Variants in TMCC1 observed in about 807,000 individuals in gnomAD.
TMCC1 encodes the protein transmembrane and coiled-coil domain family 1.
Under a neutral mutation model 52.4 loss-of-function variants are expected in TMCC1, and 15 were observed. The ratio of observed to expected loss-of-function variants is 0.29; its 90% CI spans 0.19 to 0.44. The LOEUF is 0.44. Ranked by LOEUF, TMCC1 falls within the 20% of genes least tolerant of loss-of-function variation. TMCC1 has a pLI of 1.00. For synonymous variants in TMCC1, 279 were observed against 301.9 expected (o/e 0.92, Z 0.79); for missense variants, 503 against 806.0 (o/e 0.62, Z 4.55).
intron 6 of TMCC1, among the ~76,000 whole-genome samples, chr3:129,652,829 C>T (rs1371452070): frequency 6.6e-6 from 1 of 152,196 alleles, no homozygotes; most frequent in Non-Finnish European, 1.5e-5. Context: ...TGGGCCAAAC[C>T]AATGTATACT....
At chr3:129,876,849 C>T (rs562841326) in intron 2 of TMCC1, among the ~76,000 whole-genome samples, 6 of 151,158 alleles carry the variant, frequency 4.0e-5, no homozygotes, top group South Asian at 2.1e-4. Context: ...CCCAGCTACT[C>T]GGGAGGCTGA....
intron 4 of TMCC1, among the ~76,000 whole-genome samples, chr3:129,706,367 T>C (rs1455554027): frequency 6.9e-6 from 1 of 145,108 alleles, no homozygotes; most frequent in Non-Finnish European, 1.5e-5. Context: ...CACCATGCCC[T>C]GCTAATTTTT....
chr3:129,689,210 TA>T (rs1324691044), intron 4 of TMCC1, among the ~76,000 whole-genome samples: 1 of 152,166 alleles, frequency 6.6e-6, no homozygotes, highest in Non-Finnish European at 1.5e-5. Context: ...AGCAAGAGAT[TA>T]AAACATCACA....
chr3:129,719,160 C>G (rs562502565), intron 4 of TMCC1, among the ~76,000 whole-genome samples: 2 of 152,290 alleles, frequency 1.3e-5, no homozygotes, highest in South Asian at 4.1e-4. Context: ...GCCCCACCCC[C>G]CAACCTCTGG....
At chr3:129,776,311 C>T (rs1244555315) in intron 4 of TMCC1, among the ~76,000 whole-genome samples, 1 of 152,122 alleles carries the variant, frequency 6.6e-6, no homozygotes, top group Non-Finnish European at 1.5e-5. Flanking sequence ...AGTTGGTTTT[C>T]AATAAATGTT....
At chr3:129,770,563 G>A (rs1041565190) in intron 4 of TMCC1, among the ~76,000 whole-genome samples, 4 of 151,340 alleles carry the variant, frequency 2.6e-5, no homozygotes, top group Admixed American at 2.6e-4. Context: ...GGGTGACAGA[G>A]CAAGACCCTG....
intron 4 of TMCC1, among the ~76,000 whole-genome samples, chr3:129,773,599 T>C (rs927227434): frequency 6.6e-6 from 1 of 152,226 alleles, no homozygotes; most frequent in Non-Finnish European, 1.5e-5. Flanking sequence ...CCCAACAATA[T>C]CAAGTTCATA....
rs980384549 is a variant in TMCC1, at chr3:129,647,935, C to G, written c.*3546G>C. On this transcript the variant is annotated 3_prime_UTR_variant, in exon 7 of 7. Transcript: ENST00000393238. ...ATCAACTACAGTGTTAACGTTCACA[C>G]GTTCACAAGTGTCATTTCTTTACGT... 2.0e-5 allele frequency: 3 copies of G among 152,660 alleles called. No individual in the cohort carries two copies. The highest frequency in any genetic ancestry group is 4.8e-5 in the African/African-American group (2 of 41,460). 9.5% of individuals were successfully genotyped at this position (152,660 alleles called of 1,614,324 possible).
chr3:129,880,025 T>C (rs1478611286), intron 2 of TMCC1, among the ~76,000 whole-genome samples: 1 of 152,088 alleles, frequency 6.6e-6, no homozygotes, highest in Admixed American at 6.6e-5. Context: ...AAAATAAAGA[T>C]TTAATTTAAA....
chr3:129,762,994 C>T (rs1170674677), intron 4 of TMCC1, among the ~76,000 whole-genome samples: 1 of 151,110 alleles, frequency 6.6e-6, no homozygotes, highest in Non-Finnish European at 1.5e-5. Context: ...GTCAGGAGAT[C>T]GAGACCACCC....
rs116336319 is a variant in TMCC1, at chr3:129,801,720, C to T, written c.576+26083G>A. On this transcript the variant is annotated intron_variant, in intron 4 of 6. Transcript: ENST00000393238. Reference sequence around the variant, plus strand: ...AAGTTGCTGGGATTTCAGGCGTGAACCACCGCGCCCGGCCCATGCCTGTTT... The same window carrying T: ...AAGTTGCTGGGATTTCAGGCGTGAATCACCGCGCCCGGCCCATGCCTGTTT... 3.2e-3 allele frequency among the ~76,000 whole-genome samples: 480 copies of T among 152,300 alleles called. 3 individuals carry two copies. The highest frequency in any genetic ancestry group is 0.011 in the African/African-American group (440 of 41,566).
At chr3:129,744,368 G>A (rs1244374498) in intron 4 of TMCC1, among the ~76,000 whole-genome samples, 1 of 152,098 alleles carries the variant, frequency 6.6e-6, no homozygotes, top group African/African-American at 2.4e-5. Flanking sequence ...GCCCAGGCTG[G>A]TCTTGAACTC....
chr3:129,813,703 T>C (rs1029635657), intron 4 of TMCC1, among the ~76,000 whole-genome samples: 2 of 152,068 alleles, frequency 1.3e-5, no homozygotes, highest in Non-Finnish European at 1.5e-5. Context: ...ACTATGCTTA[T>C]TACCTGGGTA....
chr3:129,793,501 G>A (rs1333147001), intron 4 of TMCC1, among the ~76,000 whole-genome samples: 4 of 152,154 alleles, frequency 2.6e-5, no homozygotes, highest in Admixed American at 2.0e-4. Flanking sequence ...TGACACAACT[G>A]AGCCACCAAC....
chr3:129,827,799 T>C lies in TMCC1; in HGVS notation c.576+4A>G. 1.2e-6 allele frequency: 2 copies of C among 1,609,410 alleles called. No homozygotes were observed. Among genetic ancestry groups the C allele is most frequent in the Non-Finnish European group, 1.7e-6 (2 of 1,176,130 alleles). On this transcript the variant is annotated splice_donor_region_variant and intron_variant, in intron 4 of 6. Transcript: ENST00000393238. ...AACAGAAAAACAAAATCTTACAAACTTACCCGCTCCGCAGTTCCCTCCTCT... is the reference window on the plus strand; with the variant it reads ...AACAGAAAAACAAAATCTTACAAACCTACCCGCTCCGCAGTTCCCTCCTCT...
At chr3:129,721,743 G>A (rs1385758531) in intron 4 of TMCC1, among the ~76,000 whole-genome samples, 1 of 151,574 alleles carries the variant, frequency 6.6e-6, no homozygotes, top group African/African-American at 2.4e-5. Flanking sequence ...GGGCGTGGTG[G>A]CAGGCACCTG....
At chr3:129,749,946 AT>A (rs779233380) in intron 4 of TMCC1, among the ~76,000 whole-genome samples, 27 of 152,296 alleles carry the variant, frequency 1.8e-4, no homozygotes, top group Non-Finnish European at 1.5e-4. Flanking sequence ...AGACCTCTAA[AT>A]GGTTAAGTTC....
At chr3:129,780,263 T>C (rs920606006) in intron 4 of TMCC1, among the ~76,000 whole-genome samples, 4 of 152,162 alleles carry the variant, frequency 2.6e-5, no homozygotes, top group African/African-American at 9.6e-5. Flanking sequence ...TATTTAAGCA[T>C]ACCATTTCAC....
chr3:129,886,348 C>T (rs1330056508), intron 1 of TMCC1, among the ~76,000 whole-genome samples: 1 of 152,104 alleles, frequency 6.6e-6, no homozygotes, highest in African/African-American at 2.4e-5. Flanking sequence ...AAAGTCAAGC[C>T]ATTGGAAAAC....
Sources: allele counts gnomAD v4.1 joint callset (sites outside exome capture counted in the v4.1 genomes callset), GRCh38; gene constraint gnomAD v4.1.1; transcripts MANE v1.5; gene names NCBI Gene and HGNC (gene_info 2026-07-23, HGNC 2026-07-21).